Variants in VRK2 observed in about 807,000 individuals in gnomAD.
VRK2 encodes VRK serine/threonine kinase 2.
A neutral mutation model predicts 57.6 loss-of-function variants in VRK2; 60 were observed. The observed-to-expected ratio is 1.04, with a 90% CI of 0.85 to 1.29. VRK2 has a LOEUF of 1.29. Among genes scored for constraint, VRK2 ranks in the 50% most tolerant of loss-of-function variants. The pLI is 0.00. For missense variants in VRK2, 705 were observed against 588.1 expected, an observed-to-expected ratio of 1.20 and a Z score of -2.06; for synonymous variants, 231 against 199.2, an observed-to-expected ratio of 1.16 and a Z score of -1.35.
chr2:58,109,185 TCAAAC>T (rs895547909), intron 7 of VRK2, among the ~76,000 whole-genome samples: 18 of 152,288 alleles, frequency 1.2e-4, no homozygotes, highest in African/African-American at 3.6e-4. Flanking sequence ...TAAAATTTAT[TCAAAC>T]CAACTGTGCA....
chr2:57,916,946 T>A (rs1230203147), intron 1 of VRK2, among the ~76,000 whole-genome samples: 1 of 152,198 alleles, frequency 6.6e-6, no homozygotes. Flanking sequence ...AACTAGCGTA[T>A]GTAAAGTACT....
chr2:57,922,705 G>C (rs1670392860), intron 1 of VRK2, among the ~76,000 whole-genome samples: 1 of 151,644 alleles, frequency 6.6e-6, no homozygotes, highest in South Asian at 2.1e-4. Flanking sequence ...GGTAAATGGG[G>C]CATTCATGAC....
At chr2:58,131,667 G>T in intron 8 of VRK2, 141 bp from the exon 9 acceptor site, 1 of 1,096,726 alleles carries the variant, frequency 9.1e-7, no homozygotes, top group Non-Finnish European at 1.3e-6. Context: ...GGGCGTTTAA[G>T]TTTTATTCCA....
At chr2:58,078,173 G>A (rs1203887546) in intron 2 of VRK2, among the ~76,000 whole-genome samples, 2 of 151,994 alleles carry the variant, frequency 1.3e-5, no homozygotes, top group African/African-American at 4.8e-5. Flanking sequence ...CCAGCACCTG[G>A]AAACCAGCAT....
At chr2:57,958,447 T>TA (rs1671653670) in intron 1 of VRK2, among the ~76,000 whole-genome samples, 1 of 142,006 alleles carries the variant, frequency 7.0e-6, no homozygotes, top group African/African-American at 3.1e-5. Flanking sequence ...GTATATATAT[T>TA]TGTATATATA....
chr2:58,054,848 G>C (rs1033405471), intron 2 of VRK2, among the ~76,000 whole-genome samples: 1 of 152,114 alleles, frequency 6.6e-6, no homozygotes, highest in Non-Finnish European at 1.5e-5. Flanking sequence ...ACACTCTGTT[G>C]TATTCTCCAT....
intron 1 of VRK2, among the ~76,000 whole-genome samples, chr2:57,994,831 C>G (rs1459983271): frequency 1.3e-5 from 2 of 151,942 alleles, no homozygotes; most frequent in Non-Finnish European, 2.9e-5. Flanking sequence ...TGATTTTTAT[C>G]AAAAATTCCT....
intron 12 of VRK2, among the ~76,000 whole-genome samples, chr2:58,158,500 A>AGAAG (rs1267122845): frequency 5.9e-5 from 9 of 152,300 alleles, no homozygotes; most frequent in Admixed American, 2.0e-4. Context: ...TTAAAGGTTG[A>AGAAG]GAAGGTAGTA....
intron 10 of VRK2, among the ~76,000 whole-genome samples, chr2:58,139,410 A>G (rs572410370): frequency 6.6e-6 from 1 of 152,228 alleles, no homozygotes; most frequent in East Asian, 1.9e-4. Flanking sequence ...CTCTCATAAG[A>G]TCAGTGAATT....
At chr2:58,053,138 C>T (rs1676007107) in intron 2 of VRK2, among the ~76,000 whole-genome samples, 1 of 152,204 alleles carries the variant, frequency 6.6e-6, no homozygotes, top group Non-Finnish European at 1.5e-5. Context: ...TTATAGATGT[C>T]ACTCTTCGAT....
upstream of VRK2, chr2:58,046,563 G>A (rs1674770255): frequency 3.0e-6 from 3 of 985,488 alleles, no homozygotes; most frequent in African/African-American, 1.7e-5. Context: ...AGACGCTGGC[G>A]GGCCAGGGTG....
At chr2:57,966,825 A>G (rs1330619249) in intron 1 of VRK2, among the ~76,000 whole-genome samples, 2 of 152,200 alleles carry the variant, frequency 1.3e-5, no homozygotes, top group Non-Finnish European at 2.9e-5. Context: ...CTATGGAAAT[A>G]TTCAATGTAT....
At chr2:58,101,465 A>G (rs1034095984) in intron 7 of VRK2, among the ~76,000 whole-genome samples, 1 of 151,724 alleles carries the variant, frequency 6.6e-6, no homozygotes, top group Non-Finnish European at 1.5e-5. Context: ...AACAAACTTC[A>G]CAGTCATTCC....
At chr2:58,070,597 T>G (rs938942654) in intron 2 of VRK2, among the ~76,000 whole-genome samples, 2 of 152,180 alleles carry the variant, frequency 1.3e-5, no homozygotes, top group Non-Finnish European at 2.9e-5. Flanking sequence ...CAGACTAGCT[T>G]CTTTCACAAA....
intron 12 of VRK2, 174 bp from the exon 13 acceptor site, chr2:58,159,175 T>A: frequency 5.7e-6 from 3 of 525,916 alleles, no homozygotes; most frequent in Admixed American, 7.1e-5. Flanking sequence ...TTATAAACTC[T>A]TAAAAAGTGT....
At chr2:57,925,657 A>T (rs141818746) in intron 1 of VRK2, among the ~76,000 whole-genome samples, 1 of 150,000 alleles carries the variant, frequency 6.7e-6, no homozygotes, top group African/African-American at 2.4e-5. Context: ...CATTTTGTTG[A>T]TCTTTTGAAT....
chr2:57,918,776 TCTA>T (rs1670237620), intron 1 of VRK2, among the ~76,000 whole-genome samples: 1 of 152,128 alleles, frequency 6.6e-6, no homozygotes, highest in Non-Finnish European at 1.5e-5. Flanking sequence ...TCCAAAGGCA[TCTA>T]TTGAACTTTA....
chr2:58,054,919 G>A (rs1676291457), intron 2 of VRK2, among the ~76,000 whole-genome samples: 1 of 152,138 alleles, frequency 6.6e-6, no homozygotes, highest in African/African-American at 2.4e-5. Context: ...TAATTGTTGA[G>A]GACTTCCCTT....
chr2:58,137,178 A>ATATCATATG (rs1680423612), intron 10 of VRK2, among the ~76,000 whole-genome samples: 1 of 79,892 alleles, frequency 1.3e-5, no homozygotes, highest in Admixed American at 1.5e-4. Context: ...TATATCATAT[A>ATATCATATG]TATCATATAT....
Sources: allele counts gnomAD v4.1 joint callset (sites outside exome capture counted in the v4.1 genomes callset), GRCh38; gene constraint gnomAD v4.1.1; transcripts MANE v1.5; gene names NCBI Gene and HGNC (gene_info 2026-07-23, HGNC 2026-07-21).